The following TAF3 variants were observed in gnomAD, a reference collection of about 807,000 sequenced individuals.
TAF3 encodes transcription initiation factor TFIID subunit 3.
In TAF3, 7 loss-of-function variants were observed where a neutral mutation model predicts 80.6. That is an observed-to-expected ratio of 0.09 (90% CI 0.05 to 0.16). The LOEUF (loss-of-function observed/expected upper bound fraction) is 0.16, where lower values mean the gene tolerates loss of function less well. Among genes scored for constraint, TAF3 ranks in the 10% least tolerant of loss-of-function variants. The pLI is 1.00. For missense variants in TAF3, 921 were observed against 1,140.2 expected (o/e 0.81, Z 2.77); for synonymous variants, 444 against 446.1 (o/e 1.00, Z 0.06).
At chr10:7,865,663 A>G (rs572615416) in intron 2 of TAF3, among the ~76,000 whole-genome samples, 1 of 152,314 alleles carries the variant, frequency 6.6e-6, no homozygotes, top group African/African-American at 2.4e-5. Flanking sequence ...AGTAGCAACT[A>G]GGTTCATTCT....
chr10:7,977,161 A>G (rs10795584), intron 3 of TAF3, 80 bp from the exon 4 acceptor site: 706,847 of 1,307,682 alleles, frequency 0.54, 193,854 homozygotes, highest in Admixed American at 0.63. Flanking sequence ...TCAGTTTGTG[A>G]GAGTGGGAGA....
intron 2 of TAF3, among the ~76,000 whole-genome samples, chr10:7,914,122 G>A (rs930652044): frequency 6.6e-6 from 1 of 152,134 alleles, no homozygotes; most frequent in African/African-American, 2.4e-5. Flanking sequence ...GAGGAAATTT[G>A]TATATAGACT....
intron 2 of TAF3, among the ~76,000 whole-genome samples, chr10:7,915,693 G>A (rs1409711376): frequency 7.0e-6 from 1 of 143,022 alleles, no homozygotes; most frequent in South Asian, 2.3e-4. Flanking sequence ...ATAATACCAT[G>A]TAGGCTGGGC....
intron 2 of TAF3, among the ~76,000 whole-genome samples, chr10:7,939,633 C>T (rs1837959253): frequency 6.6e-6 from 1 of 151,108 alleles, no homozygotes; most frequent in African/African-American, 2.4e-5. Flanking sequence ...TCTACCTACA[C>T]CCCTTCCAAG....
intron 4 of TAF3, among the ~76,000 whole-genome samples, chr10:8,000,923 A>G (rs933100603): frequency 1.3e-5 from 2 of 152,298 alleles, no homozygotes; most frequent in African/African-American, 4.8e-5. Flanking sequence ...GAAAAATTCC[A>G]TCTTACACCT....
chr10:7,838,579 A>ACC (rs1295231515), intron 2 of TAF3, among the ~76,000 whole-genome samples: 1 of 152,046 alleles, frequency 6.6e-6, no homozygotes, highest in Non-Finnish European at 1.5e-5. Flanking sequence ...GTGGGATTTC[A>ACC]CCATGTTGGC....
intron 2 of TAF3, among the ~76,000 whole-genome samples, chr10:7,869,021 A>G (rs1564352261): frequency 6.6e-6 from 1 of 152,178 alleles, no homozygotes; most frequent in Non-Finnish European, 1.5e-5. Flanking sequence ...CATTGGATTC[A>G]TAATTAATTC....
chr10:7,838,261 T>G (rs533963643), intron 2 of TAF3, among the ~76,000 whole-genome samples: 6 of 152,220 alleles, frequency 3.9e-5, no homozygotes, highest in African/African-American at 7.2e-5. Flanking sequence ...GAGTGAGATA[T>G]TCCTCTCTCC....
intron 2 of TAF3, among the ~76,000 whole-genome samples, chr10:7,907,415 A>T (rs1837617070): frequency 6.6e-6 from 1 of 152,212 alleles, no homozygotes; most frequent in South Asian, 2.1e-4. Context: ...TTTTGTATTT[A>T]ATTTATATTA....
At chr10:7,837,767 C>G (rs1836867522) in intron 2 of TAF3, among the ~76,000 whole-genome samples, 1 of 151,934 alleles carries the variant, frequency 6.6e-6, no homozygotes, top group Admixed American at 6.6e-5. Flanking sequence ...GAGGCTGAGG[C>G]TGCAGTGAGC....
chr10:7,855,621 T>G (rs1837070682), intron 2 of TAF3, among the ~76,000 whole-genome samples: 1 of 152,164 alleles, frequency 6.6e-6, no homozygotes, highest in Admixed American at 6.5e-5. Flanking sequence ...GAGTCCCCAC[T>G]TCCCAAGCCC....
chr10:7,959,225 G>A (rs1838166380), intron 2 of TAF3, among the ~76,000 whole-genome samples: 1 of 151,878 alleles, frequency 6.6e-6, no homozygotes, highest in Non-Finnish European at 1.5e-5. Flanking sequence ...TGATTTTGAT[G>A]CTGCAATTGA....
intron 3 of TAF3, among the ~76,000 whole-genome samples, chr10:7,970,787 T>G (rs1043564708): frequency 6.6e-6 from 1 of 152,236 alleles, no homozygotes; most frequent in Non-Finnish European, 1.5e-5. Context: ...AATCTTTTAT[T>G]AAATTTAAAC....
intron 2 of TAF3, among the ~76,000 whole-genome samples, chr10:7,907,548 T>C (rs1348050864): frequency 6.6e-6 from 1 of 152,204 alleles, no homozygotes; most frequent in Non-Finnish European, 1.5e-5. Context: ...AGAATTCAGA[T>C]GTCATGCTGA....
intron 2 of TAF3, among the ~76,000 whole-genome samples, chr10:7,924,546 C>A (rs4749358): frequency 0.55 from 84,151 of 152,004 alleles, 24,676 homozygotes; most frequent in East Asian, 0.71. Flanking sequence ...GGGCATGTCT[C>A]CCATTTTCTC....
At chr10:7,873,790 T>G (rs931757475) in intron 2 of TAF3, among the ~76,000 whole-genome samples, 10 of 152,200 alleles carry the variant, frequency 6.6e-5, no homozygotes, top group African/African-American at 2.4e-4. Flanking sequence ...TAAGGTTGAT[T>G]AGAGAAAAGA....
At chr10:7,920,330 G>GTA (rs926099597) in intron 2 of TAF3, among the ~76,000 whole-genome samples, 1 of 33,610 alleles carries the variant, frequency 3.0e-5, no homozygotes, top group African/African-American at 6.0e-5. Flanking sequence ...GTGTGTGTGT[G>GTA]TATGTGTGTG....
intron 2 of TAF3, among the ~76,000 whole-genome samples, chr10:7,837,468 C>G (rs567037751): frequency 6.6e-6 from 1 of 151,864 alleles, no homozygotes; most frequent in South Asian, 2.1e-4. Flanking sequence ...CATGGCGAAA[C>G]CTCGTCTCTA....
intron 2 of TAF3, among the ~76,000 whole-genome samples, chr10:7,825,651 G>A (rs888833421): frequency 6.6e-6 from 1 of 152,150 alleles, no homozygotes; most frequent in African/African-American, 2.4e-5. Context: ...CATTCATGTT[G>A]TAGCCTGTGT....
Sources: gnomAD v4.1 joint callset for allele counts (sites outside exome capture counted in the v4.1 genomes callset) on GRCh38, gnomAD v4.1.1 for gene constraint, MANE v1.5 for transcripts, NCBI Gene and HGNC (gene_info 2026-07-23, HGNC 2026-07-21) for gene names.